The following KLRD1 variants were observed in gnomAD, a reference collection of about 807,000 sequenced individuals.
KLRD1 encodes killer cell lectin like receptor D1.
KLRD1 carries 21 observed loss-of-function variants against 22.6 expected under a neutral mutation model. That is an observed-to-expected ratio of 0.93 (90% CI 0.66 to 1.34). KLRD1 has a LOEUF of 1.34. KLRD1 is among the 40% of genes most tolerant of loss of function. KLRD1 has a pLI of 0.00. For missense variants in KLRD1, 183 were observed against 208.6 expected, an observed-to-expected ratio of 0.88 and a Z score of 0.76; for synonymous variants, 59 against 71.1, an observed-to-expected ratio of 0.83 and a Z score of 0.85.
At chr12:10,306,264 A>ATGTG (rs201769542), upstream of KLRD1, among the ~76,000 whole-genome samples, 6 of 149,396 alleles carry the variant, frequency 4.0e-5, no homozygotes, top group Admixed American at 1.3e-4. Flanking sequence ...GTGTGTGTGT[A>ATGTG]TGTGTGTGTG....
intron 1 of KLRD1, among the ~76,000 whole-genome samples, chr12:10,283,505 G>C (rs1949666904): frequency 1.3e-5 from 2 of 152,200 alleles, no homozygotes; most frequent in South Asian, 4.2e-4. Flanking sequence ...TAATAGAGTA[G>C]ATCTCATGGT....
At chr12:10,247,082 A>G (rs1949299930) in intron 1 of KLRD1, among the ~76,000 whole-genome samples, 2 of 151,696 alleles carry the variant, frequency 1.3e-5, no homozygotes, top group Non-Finnish European at 2.9e-5. Context: ...ACAGATGTGC[A>G]CTGCCACGCC....
Position 10,317,327 on chromosome 12 carries a change from A to G in KLRD1, c.*2534A>G, listed in dbSNP as rs1211266167. ...TTCCTCCGTTAGTTGTGAAGTCCTA[A>G]TTAGGGAAAAGGAGTTAGGCTGGCG... is the stretch of plus-strand genomic sequence containing the variant. On this transcript the variant is annotated 3_prime_UTR_variant, in exon 6 of 6. Coordinates refer to ENST00000336164, the MANE Select transcript of KLRD1 (RefSeq NM_002262.5). 6.6e-6 allele frequency: 1 copy of G among 152,194 alleles called. No homozygotes were observed. The highest frequency in any genetic ancestry group is 1.5e-5 in the Non-Finnish European group (1 of 68,026). The allele number at this position is 152,194 out of a possible 1,614,324, so 9.4% of individuals were successfully genotyped here. A position where few individuals can be genotyped will look rare whatever the true frequency, so the allele number is the denominator to read the frequency against.
chr12:10,280,956 C>T (rs1368403052), intron 1 of KLRD1, among the ~76,000 whole-genome samples: 2 of 152,012 alleles, frequency 1.3e-5, no homozygotes, highest in African/African-American at 4.8e-5. Flanking sequence ...TGGACTCATC[C>T]TAGATTCTAT....
chr12:10,239,548 T>C (rs1473733586), intron 1 of KLRD1, among the ~76,000 whole-genome samples: 1 of 127,176 alleles, frequency 7.9e-6, no homozygotes, highest in South Asian at 2.6e-4. Context: ...TCTTTCTTTC[T>C]TTCTTTCTTT....
At chr12:10,243,334 C>T (rs1414299989) in intron 1 of KLRD1, among the ~76,000 whole-genome samples, 1 of 151,924 alleles carries the variant, frequency 6.6e-6, no homozygotes, top group East Asian at 1.9e-4. Flanking sequence ...AAACAGAAGG[C>T]CAGGTGCAGT....
chr12:10,281,633 C>A (rs1240880099), intron 1 of KLRD1, among the ~76,000 whole-genome samples: 1 of 152,160 alleles, frequency 6.6e-6, no homozygotes, highest in Non-Finnish European at 1.5e-5. Flanking sequence ...ATCTACACTA[C>A]CTTTTTCTGT....
At chr12:10,302,046 A>T (rs1949870839), upstream of KLRD1, among the ~76,000 whole-genome samples, 1 of 152,180 alleles carries the variant, frequency 6.6e-6, no homozygotes, top group South Asian at 2.1e-4. Flanking sequence ...GCCCCAAAAC[A>T]ATTACAAAAT....
chr12:10,294,146 G>A (rs1037679914), intron 1 of KLRD1, among the ~76,000 whole-genome samples: 2 of 152,062 alleles, frequency 1.3e-5, no homozygotes, highest in Non-Finnish European at 2.9e-5. Context: ...TGATGAATAT[G>A]GACTTGAAGA....
intron 1 of KLRD1, among the ~76,000 whole-genome samples, chr12:10,248,912 C>G (rs774689865): frequency 8.6e-5 from 13 of 151,802 alleles, no homozygotes; most frequent in Non-Finnish European, 1.3e-4. Context: ...GTATACTTTC[C>G]GCTTGATGAT....
chr12:10,243,631 A>AAAACCAAAAAGAAAGATAAAAG (rs771543645), intron 1 of KLRD1, among the ~76,000 whole-genome samples: 1 of 118,720 alleles, frequency 8.4e-6, no homozygotes, highest in African/African-American at 4.2e-5. Context: ...AAAAAAAAAA[A>AAAACCAAAAAGAAAGATAAAAG]AACCGAAATG....
At chr12:10,307,793 A>T, upstream of KLRD1, 2 of 346,738 alleles carry the variant, frequency 5.8e-6, no homozygotes, top group Non-Finnish European at 1.0e-5. Context: ...AAGTGTTAAT[A>T]TTGCAAAAGT....
intron 1 of KLRD1, among the ~76,000 whole-genome samples, chr12:10,241,885 G>A (rs1246262123): frequency 6.6e-6 from 1 of 152,046 alleles, no homozygotes; most frequent in African/African-American, 2.4e-5. Flanking sequence ...CCGTCAGTAT[G>A]TAAGTATTTC....
chr12:10,276,590 A>C (rs772503907), intron 1 of KLRD1, among the ~76,000 whole-genome samples: 1 of 151,784 alleles, frequency 6.6e-6, no homozygotes, highest in South Asian at 2.1e-4. Context: ...GTGCAATGGC[A>C]TGATCTCTGC....
chr12:10,247,229 T>C (rs1308789284), intron 1 of KLRD1, among the ~76,000 whole-genome samples: 3 of 152,196 alleles, frequency 2.0e-5, no homozygotes, highest in African/African-American at 7.2e-5. Flanking sequence ...CACATACTTC[T>C]ACTGAGCTAA....
intron 1 of KLRD1, among the ~76,000 whole-genome samples, chr12:10,264,056 G>C (rs971309036): frequency 6.6e-6 from 1 of 152,078 alleles, no homozygotes; most frequent in Non-Finnish European, 1.5e-5. Context: ...TAAGTCTTAA[G>C]TCATCACTGC....
chr12:10,305,211 G>A (rs1019584672), upstream of KLRD1, among the ~76,000 whole-genome samples: 3 of 152,312 alleles, frequency 2.0e-5, no homozygotes, highest in African/African-American at 7.2e-5. Flanking sequence ...AAATTGCAGG[G>A]GAGGAAGAGG....
At position 10,327,501 on chromosome 12, in the gene KLRD1, T is replaced by TATGA. The variant is rs1248112191; in HGVS notation, c.*12710_*12713dup. ...TTGTGAAATACAAATATTTTAACTATATGAAGTCTTTTAATAAATGAATAT... is the reference window on the plus strand; with the variant it reads ...TTGTGAAATACAAATATTTTAACTATATGAATGAAGTCTTTTAATAAATGAATAT... On this transcript the variant is annotated 3_prime_UTR_variant, in exon 6 of 6. Transcript: ENST00000336164. The TATGA allele has an allele frequency of 6.6e-6, 1 of 152,232 alleles. No homozygotes were observed. The highest frequency in any genetic ancestry group is 2.4e-5 in the African/African-American group (1 of 41,466). 9.4% of individuals were successfully genotyped at this position (152,232 alleles called of 1,614,324 possible).
At chr12:10,302,726 G>A (rs975973638), upstream of KLRD1, among the ~76,000 whole-genome samples, 8 of 151,402 alleles carry the variant, frequency 5.3e-5, no homozygotes, top group Non-Finnish European at 1.0e-4. Flanking sequence ...AGGATTAGTT[G>A]AGTCATAAGC....
Sources: gnomAD v4.1 joint callset for allele counts (sites outside exome capture counted in the v4.1 genomes callset) on GRCh38, gnomAD v4.1.1 for gene constraint, MANE v1.5 for transcripts, NCBI Gene and HGNC (gene_info 2026-07-23, HGNC 2026-07-21) for gene names.